Variants in LINGO2 observed in about 807,000 individuals in gnomAD.
LINGO2 encodes leucine rich repeat and Ig domain containing 2, also known as leucine-rich repeat and immunoglobulin-like domain-containing nogo receptor-interacting protein 2.
A neutral mutation model predicts 30.6 loss-of-function variants in LINGO2; 14 were observed. The observed-to-expected ratio is 0.46, with a 90% CI of 0.30 to 0.72. The LOEUF is 0.72. LINGO2 is among the 30% of genes least tolerant of loss of function. The probability of loss-of-function intolerance (pLI) is 0.07; values close to 1 mark genes in which losing one functional copy is unlikely to be tolerated. For missense variants in LINGO2, 729 were observed against 751.7 expected (o/e 0.97, Z 0.35); for synonymous variants, 317 against 288.5 (o/e 1.10, Z -1.00).
At chr9:28,666,638 C>A (rs1007725830) in intron 1 of LINGO2, among the ~76,000 whole-genome samples, 6 of 152,080 alleles carry the variant, frequency 3.9e-5, no homozygotes, top group African/African-American at 1.4e-4. Context: ...TACTATAAGC[C>A]TCAATGGCAT....
chr9:28,367,161 G>A (rs1315038709), intron 3 of LINGO2, among the ~76,000 whole-genome samples: 1 of 149,944 alleles, frequency 6.7e-6, no homozygotes, highest in East Asian at 1.9e-4. Context: ...ATAATATGAT[G>A]TTCTATACAT....
At chr9:27,949,136 G>A in exon 6 of LINGO2, 1 of 1,614,150 alleles carries the variant, frequency 6.2e-7, no homozygotes, top group Non-Finnish European at 8.5e-7. Flanking sequence ...TAGGGGTCCT[G>A]TTCGCATAAA....
chr9:29,186,390 G>C, the LINGO2 span, among the ~76,000 whole-genome samples: 1 of 152,078 alleles, frequency 6.6e-6, no homozygotes, highest in Non-Finnish European at 1.5e-5. Context: ...CTTACATGGT[G>C]AAATAGGAAT....
At chr9:29,161,628 G>A in the LINGO2 span, among the ~76,000 whole-genome samples, 1 of 152,096 alleles carries the variant, frequency 6.6e-6, no homozygotes, top group Non-Finnish European at 1.5e-5. Flanking sequence ...ATAGGTAGGA[G>A]GTAGAGCCTG....
At chr9:28,181,762 T>C (rs1002881613) in intron 4 of LINGO2, among the ~76,000 whole-genome samples, 8 of 152,084 alleles carry the variant, frequency 5.3e-5, no homozygotes, top group Non-Finnish European at 1.2e-4. Context: ...TGTATAGAAA[T>C]ATAGTTTTTA....
intron 4 of LINGO2, among the ~76,000 whole-genome samples, chr9:28,240,452 C>A (rs1015798656): frequency 6.6e-6 from 1 of 152,038 alleles, no homozygotes; most frequent in South Asian, 2.1e-4. Context: ...GACACATAGA[C>A]CAATGGAACA....
At chr9:27,974,053 G>A (rs1205301528) in intron 5 of LINGO2, among the ~76,000 whole-genome samples, 1 of 152,164 alleles carries the variant, frequency 6.6e-6, no homozygotes, top group Non-Finnish European at 1.5e-5. Flanking sequence ...GGTTCATTCT[G>A]CTTGTTAATA....
At chr9:28,189,852 T>C (rs531520637) in intron 4 of LINGO2, among the ~76,000 whole-genome samples, 31 of 152,176 alleles carry the variant, frequency 2.0e-4, no homozygotes, top group Admixed American at 2.0e-3. Context: ...GTACTGCACA[T>C]GTGCGTGTGC....
intron 4 of LINGO2, among the ~76,000 whole-genome samples, chr9:28,087,583 T>G (rs550424261): frequency 2.6e-5 from 4 of 152,144 alleles, no homozygotes; most frequent in African/African-American, 9.6e-5. Context: ...CTGGGGAATC[T>G]TTTCCTGGAA....
chr9:28,232,398 A>G (rs1438032094), intron 4 of LINGO2, among the ~76,000 whole-genome samples: 2 of 145,080 alleles, frequency 1.4e-5, no homozygotes, highest in African/African-American at 5.2e-5. Context: ...AGCCTGGGTG[A>G]CAGAACGAGA....
chr9:29,016,939 C>T, the LINGO2 span, among the ~76,000 whole-genome samples: 4 of 152,138 alleles, frequency 2.6e-5, no homozygotes, highest in Non-Finnish European at 5.9e-5. Context: ...CTGAATCTCA[C>T]AGGCATGCAA....
intron 1 of LINGO2, among the ~76,000 whole-genome samples, chr9:28,586,238 A>G (rs1171827791): frequency 2.0e-5 from 3 of 152,006 alleles, no homozygotes; most frequent in African/African-American, 7.2e-5. Flanking sequence ...AACAAGTTCT[A>G]TAAGTCTCAT....
At chr9:29,188,836 C>T in the LINGO2 span, among the ~76,000 whole-genome samples, 42 of 127,982 alleles carry the variant, frequency 3.3e-4, 1 homozygote, top group African/African-American at 1.2e-3. Flanking sequence ...GGGGCTGACC[C>T]CCCCGCCACC....
the LINGO2 span, among the ~76,000 whole-genome samples, chr9:28,850,132 TAC>T: frequency 1.3e-5 from 2 of 151,996 alleles, no homozygotes; most frequent in African/African-American, 4.8e-5. Flanking sequence ...TATTTCTGCA[TAC>T]AGTTACTTCT....
intron 1 of LINGO2, among the ~76,000 whole-genome samples, chr9:28,632,557 T>C (rs933163673): frequency 6.8e-6 from 1 of 147,786 alleles, no homozygotes; most frequent in Non-Finnish European, 1.5e-5. Context: ...CAATATATAA[T>C]ATATATCTCG....
intron 1 of LINGO2, among the ~76,000 whole-genome samples, chr9:28,577,641 C>T (rs751224843): frequency 6.6e-6 from 1 of 152,120 alleles, no homozygotes; most frequent in Non-Finnish European, 1.5e-5. Flanking sequence ...TCTATCTGGG[C>T]AGCAGGCAAG....
intron 5 of LINGO2, among the ~76,000 whole-genome samples, chr9:28,008,835 CCCA>C (rs76725472): frequency 0.027 from 4,059 of 152,160 alleles, 87 homozygotes; most frequent in South Asian, 0.067. Flanking sequence ...GATGACAGTG[CCCA>C]CCAAAGTGAT....
the LINGO2 span, among the ~76,000 whole-genome samples, chr9:29,116,665 T>G: frequency 6.6e-6 from 1 of 151,892 alleles, no homozygotes; most frequent in Non-Finnish European, 1.5e-5. Context: ...ATTTGAACTT[T>G]ATGATAATGT....
At chr9:27,989,363 A>G (rs1232012741) in intron 5 of LINGO2, among the ~76,000 whole-genome samples, 1 of 151,902 alleles carries the variant, frequency 6.6e-6, no homozygotes, top group Non-Finnish European at 1.5e-5. Flanking sequence ...TGGGGATTTT[A>G]TCCTACCTAT....
Sources: gnomAD v4.1 joint callset for allele counts (sites outside exome capture counted in the v4.1 genomes callset) on GRCh38, gnomAD v4.1.1 for gene constraint, MANE v1.5 for transcripts, NCBI Gene and HGNC (gene_info 2026-07-23, HGNC 2026-07-21) for gene names.